FAM120A: variants seen among roughly 807,000 people sequenced by gnomAD.
FAM120A encodes the protein family with sequence similarity 120 member A, also known as constitutive coactivator of PPAR-gamma-like protein 1.
Under a neutral mutation model 109.7 loss-of-function variants are expected in FAM120A, and 15 were observed. That is an observed-to-expected ratio of 0.14 (90% CI 0.09 to 0.21). FAM120A has a LOEUF of 0.21. FAM120A is among the 10% of genes least tolerant of loss of function. The pLI, the probability that FAM120A is intolerant of heterozygous loss-of-function variation, is 1.00. For synonymous variants in FAM120A, 493 were observed against 572.8 expected (o/e 0.86, Z 1.99); for missense variants, 899 against 1,439.3 (o/e 0.62, Z 6.07).
intron 9 of FAM120A, chr9:93,530,938 T>C (rs754349550): frequency 1.3e-5 from 2 of 152,168 alleles, no homozygotes; most frequent in East Asian, 3.9e-4. Flanking sequence ...TATATGAGGG[T>C]TGCAAATTGT....
At chr9:93,507,703 A>C (rs1860129034) in intron 5 of FAM120A, among the ~76,000 whole-genome samples, 1 of 152,190 alleles carries the variant, frequency 6.6e-6, no homozygotes, top group Non-Finnish European at 1.5e-5. Context: ...GTTGGGCAAG[A>C]TGAGGGCGCT....
chr9:93,489,916 T>C (rs986023263), intron 3 of FAM120A, among the ~76,000 whole-genome samples: 23 of 152,168 alleles, frequency 1.5e-4, no homozygotes, highest in Non-Finnish European at 8.8e-5. Context: ...TGGTGACAGT[T>C]TCTTGGGGAC....
At chr9:93,518,467 C>A (rs1860699738) in intron 7 of FAM120A, among the ~76,000 whole-genome samples, 1 of 152,090 alleles carries the variant, frequency 6.6e-6, no homozygotes. Flanking sequence ...GAATGAGGAC[C>A]CCGGGACCTA....
intron 3 of FAM120A, among the ~76,000 whole-genome samples, chr9:93,487,218 G>A (rs1483498173): frequency 2.0e-5 from 3 of 152,146 alleles, no homozygotes; most frequent in Non-Finnish European, 4.4e-5. Flanking sequence ...CTGGAGTGCA[G>A]TGGCGTGATC....
intron 3 of FAM120A, among the ~76,000 whole-genome samples, chr9:93,482,436 C>G (rs1170949187): frequency 6.6e-6 from 1 of 152,196 alleles, no homozygotes; most frequent in Non-Finnish European, 1.5e-5. Context: ...CGCAATCCGC[C>G]TGCCTCAGCC....
intron 8 of FAM120A, among the ~76,000 whole-genome samples, 195 bp from the exon 9 acceptor site, chr9:93,529,158 T>C (rs1861215792): frequency 6.6e-6 from 1 of 152,160 alleles, no homozygotes; most frequent in Admixed American, 6.5e-5. Context: ...TGTGGGAAGC[T>C]GTTCAAGGAG....
chr9:93,529,668 C>A, intron 9 of FAM120A, 88 bp downstream of exon 9: 1 of 1,182,688 alleles, frequency 8.5e-7, no homozygotes, highest in Non-Finnish European at 1.2e-6. Flanking sequence ...CTTTTTTGAA[C>A]CATTTTTCTG....
chr9:93,551,396 C>A (rs192234311), intron 12 of FAM120A, among the ~76,000 whole-genome samples: 1 of 152,234 alleles, frequency 6.6e-6, no homozygotes, highest in African/African-American at 2.4e-5. Context: ...TTTCTAATTT[C>A]CATATTAAAT....
At chr9:93,506,420 CTT>C (rs1371175037) in intron 5 of FAM120A, among the ~76,000 whole-genome samples, 1 of 151,990 alleles carries the variant, frequency 6.6e-6, no homozygotes, top group East Asian at 1.9e-4. Context: ...CTATGTGTGT[CTT>C]ATATTTTCAA....
intron 5 of FAM120A, among the ~76,000 whole-genome samples, chr9:93,514,850 G>C (rs1427038644): frequency 6.6e-6 from 1 of 152,236 alleles, no homozygotes; most frequent in South Asian, 2.1e-4. Flanking sequence ...TAGGCCGCGC[G>C]AGGCCAGAGG....
intron 3 of FAM120A, among the ~76,000 whole-genome samples, chr9:93,483,350 T>C (rs1348460109): frequency 1.3e-5 from 2 of 151,958 alleles, no homozygotes; most frequent in Admixed American, 6.6e-5. Context: ...GCCTGAAAGG[T>C]AAGTAAATTT....
At chr9:93,483,630 G>T (rs533636160) in intron 3 of FAM120A, among the ~76,000 whole-genome samples, 1 of 151,962 alleles carries the variant, frequency 6.6e-6, no homozygotes, top group Non-Finnish European at 1.5e-5. Context: ...CCCACTTCTC[G>T]GAGATAACCA....
At chr9:93,479,889 A>G (rs1477644476) in intron 3 of FAM120A, among the ~76,000 whole-genome samples, 1 of 152,246 alleles carries the variant, frequency 6.6e-6, no homozygotes, top group Admixed American at 6.5e-5. Flanking sequence ...TTGTGTTGAA[A>G]GAATAGCACG....
At chr9:93,460,059 C>A (rs1055958061) in intron 1 of FAM120A, among the ~76,000 whole-genome samples, 1 of 152,058 alleles carries the variant, frequency 6.6e-6, no homozygotes, top group Non-Finnish European at 1.5e-5. Context: ...ATGTTTAGAT[C>A]GACATTGTTC....
At chr9:93,564,140 C>A in intron 17 of FAM120A, 89 bp from the exon 18 acceptor site, 1 of 1,310,770 alleles carries the variant, frequency 7.6e-7, no homozygotes, top group Non-Finnish European at 1.1e-6. Flanking sequence ...CTTGAATCTG[C>A]AGAGAGTGTC....
intron 14 of FAM120A, among the ~76,000 whole-genome samples, chr9:93,558,339 C>A (rs1490783877): frequency 6.6e-6 from 1 of 152,248 alleles, no homozygotes; most frequent in Non-Finnish European, 1.5e-5. Flanking sequence ...CAGGACTCAT[C>A]TCCCAGGGCC....
intron 17 of FAM120A, among the ~76,000 whole-genome samples, chr9:93,563,410 G>A (rs942485297): frequency 2.0e-5 from 3 of 152,238 alleles, no homozygotes; most frequent in East Asian, 1.9e-4. Context: ...ATTTGGAGAC[G>A]TTGATTGTCA....
intron 10 of FAM120A, among the ~76,000 whole-genome samples, chr9:93,537,238 G>A (rs541738065): frequency 1.8e-4 from 27 of 152,294 alleles, no homozygotes; most frequent in African/African-American, 2.6e-4. Context: ...CCTCTTGGTC[G>A]CTCCCAGTCA....
At chr9:93,511,049 C>A (rs1019211562) in intron 5 of FAM120A, among the ~76,000 whole-genome samples, 5 of 151,518 alleles carry the variant, frequency 3.3e-5, no homozygotes, top group African/African-American at 4.9e-5. Context: ...GTAAAGCAAC[C>A]CTTTTCATTG....
Sources: allele counts gnomAD v4.1 joint callset (sites outside exome capture counted in the v4.1 genomes callset), GRCh38; gene constraint gnomAD v4.1.1; transcripts MANE v1.5; gene names NCBI Gene and HGNC (gene_info 2026-07-23, HGNC 2026-07-21).